Variants in RHOH observed in about 807,000 individuals in gnomAD.
RHOH encodes the protein ras homolog family member H, also known as rho-related GTP-binding protein RhoH.
RHOH carries 6 observed loss-of-function variants against 13.8 expected under a neutral mutation model. The observed-to-expected ratio is 0.44, with a 90% CI of 0.24 to 0.86. RHOH has a LOEUF of 0.86. Ranked by LOEUF, RHOH falls within the 40% of genes least tolerant of loss-of-function variation. RHOH has a pLI of 0.24. For synonymous variants in RHOH, 117 were observed against 103.0 expected (o/e 1.14, Z -0.82); for missense variants, 147 against 244.5 (o/e 0.60, Z 2.66).
chr4:40,243,246 G>A lies in RHOH; in HGVS notation c.-141G>A. On this transcript the variant is annotated 5_prime_UTR_variant, in exon 3 of 3. Coordinates refer to ENST00000381799, the MANE Select transcript of RHOH (RefSeq NM_004310.5). This position sits in a 1 kb window ranked among gnomAD's most constrained non-coding sequence, Gnocchi z 6.2. ...GATGGGCAGGGAGAAGTAACATTCT[G>A]CAAATCGCCGTCAGAGGTCCTGAGG... 1.6e-6 allele frequency: 1 copy of A among 632,418 alleles called. No homozygotes were observed. Among genetic ancestry groups the A allele is most frequent in the Non-Finnish European group, 2.7e-6 (1 of 370,190 alleles). The allele number at this position is 632,418 out of a possible 1,614,324, so 39.2% of individuals were successfully genotyped here. A position where few individuals can be genotyped will look rare whatever the true frequency, so the allele number is the denominator to read the frequency against.
At chr4:40,235,169 T>C (rs994235596) in intron 1 of RHOH, 14 of 152,234 alleles carry the variant, frequency 9.2e-5, no homozygotes, top group Non-Finnish European at 1.6e-4. Context: ...AAATGCTTTT[T>C]ATTGAAGTTT....
intron 1 of RHOH, among the ~76,000 whole-genome samples, chr4:40,227,876 G>C (rs912349760): frequency 1.3e-5 from 2 of 152,112 alleles, no homozygotes; most frequent in Non-Finnish European, 2.9e-5. Context: ...AGTCAAACTT[G>C]CAAATATTAT....
chr4:40,212,985 C>T (rs780335295), intron 1 of RHOH, among the ~76,000 whole-genome samples: 2 of 152,254 alleles, frequency 1.3e-5, no homozygotes, highest in Non-Finnish European at 2.9e-5. Flanking sequence ...AATCTCAGAG[C>T]GAGACGTGTG....
chr4:40,213,326 G>A (rs1725485680), intron 1 of RHOH, among the ~76,000 whole-genome samples: 1 of 149,884 alleles, frequency 6.7e-6, no homozygotes, highest in East Asian at 2.0e-4. Context: ...CACTCTTCTA[G>A]TTCCTGACTT....
chr4:40,223,155 G>A (rs1423230676), intron 1 of RHOH, among the ~76,000 whole-genome samples: 4 of 152,216 alleles, frequency 2.6e-5, no homozygotes, highest in African/African-American at 7.2e-5. Context: ...TGAATATACT[G>A]TGAAAACTGT....
chr4:40,224,003 C>T (rs1726929844), intron 1 of RHOH, among the ~76,000 whole-genome samples: 1 of 152,058 alleles, frequency 6.6e-6, no homozygotes. Context: ...AACTCTCGAC[C>T]TCAGGTGATC....
At chr4:40,207,407 A>G (rs1724774029) in intron 1 of RHOH, among the ~76,000 whole-genome samples, 1 of 152,102 alleles carries the variant, frequency 6.6e-6, no homozygotes, top group African/African-American at 2.4e-5. Context: ...TCTACATTTC[A>G]GGAAAAGCAA....
intron 1 of RHOH, among the ~76,000 whole-genome samples, chr4:40,239,904 C>A (rs1267491929): frequency 1.3e-5 from 2 of 151,926 alleles, no homozygotes; most frequent in Non-Finnish European, 2.9e-5. Context: ...GAATTTTGCA[C>A]TCTCAGCTCT....
upstream of RHOH, chr4:40,193,521 G>A (rs1246345526): frequency 1.4e-5 from 2 of 144,530 alleles, no homozygotes; most frequent in African/African-American, 2.7e-5. Context: ...GAGGAGGGGC[G>A]GGGTGGGGGA....
At chr4:40,221,269 A>C (rs1161245859) in intron 1 of RHOH, among the ~76,000 whole-genome samples, 1 of 152,196 alleles carries the variant, frequency 6.6e-6, no homozygotes, top group Non-Finnish European at 1.5e-5. Flanking sequence ...TTATCTTTCT[A>C]CATAAATGGA....
At chr4:40,195,354 T>TTCCTTCC (rs1553932214), upstream of RHOH, among the ~76,000 whole-genome samples, 5 of 92,046 alleles carry the variant, frequency 5.4e-5, no homozygotes, top group African/African-American at 2.1e-4. Flanking sequence ...CTTTCTTTCT[T>TTCCTTCC]TTCCTTCCTT....
intron 1 of RHOH, among the ~76,000 whole-genome samples, chr4:40,203,780 A>G (rs532811796): frequency 6.6e-6 from 1 of 152,184 alleles, no homozygotes; most frequent in Non-Finnish European, 1.5e-5. Context: ...TTTGTCCAGC[A>G]CTTGAACCAA....
rs777698365 is a variant in RHOH, at chr4:40,243,475, C to T, written c.89C>T (p.Pro30Leu). The change falls in exon 3 of 3, where the codon CCG becomes CTG. Residue 30 changes from proline (P) to leucine (L), a missense_variant. Physicochemically the swap from Pro to Leu is moderately conservative, Grantham distance 98. Coordinates refer to ENST00000381799, the MANE Select transcript of RHOH (RefSeq NM_004310.5). The surrounding 1 kb of genome is among the most constrained non-coding windows in gnomAD (Gnocchi z 6.2). ...LLVRFTSETF[P>L]EAYKPTVYEN... ...GTGCGCTTCACCTCCGAGACCTTCC[C>T]GGAGGCCTACAAGCCCACAGTGTAC... 31 of 1,613,852 alleles carry T rather than the reference C, an allele frequency of 1.9e-5. No individual in the cohort carries two copies. The highest frequency in any genetic ancestry group is 2.4e-5 in the Non-Finnish European group (28 of 1,179,980).
intron 1 of RHOH, among the ~76,000 whole-genome samples, chr4:40,208,605 T>C (rs1290041904): frequency 6.6e-6 from 1 of 152,190 alleles, no homozygotes; most frequent in Admixed American, 6.5e-5. Flanking sequence ...TTAGGAGGCT[T>C]TCGAAAGGCC....
chr4:40,233,530 C>T (rs917889666), intron 1 of RHOH, among the ~76,000 whole-genome samples: 1 of 152,170 alleles, frequency 6.6e-6, no homozygotes, highest in Admixed American at 6.5e-5. Context: ...GGTCTACATG[C>T]CCCTTCTTAC....
intron 1 of RHOH, among the ~76,000 whole-genome samples, chr4:40,212,042 G>T (rs1725330896): frequency 6.6e-6 from 1 of 152,108 alleles, no homozygotes; most frequent in Non-Finnish European, 1.5e-5. Flanking sequence ...AACTCCCAGG[G>T]TACATAATGA....
intron 1 of RHOH, among the ~76,000 whole-genome samples, chr4:40,221,914 A>G (rs967920953): frequency 2.0e-5 from 3 of 152,120 alleles, no homozygotes; most frequent in Non-Finnish European, 4.4e-5. Flanking sequence ...GAAAAGTTCA[A>G]CTCCTGGGAA....
chr4:40,197,086 T>A lies in RHOH; in HGVS notation c.-545T>A. On this transcript the variant is annotated 5_prime_UTR_variant, in exon 1 of 3. Transcript: ENST00000381799. ...ACACACTAACCCAACCATCTTGGGG[T>A]GGACTCCCTGCCAGCCCAACTGTTG... is the stretch of plus-strand genomic sequence containing the variant. The A allele has an allele frequency of 6.6e-6, 1 of 152,212 alleles. No homozygotes were observed. Among genetic ancestry groups the A allele is most frequent in the East Asian group, 1.9e-4 (1 of 5,196 alleles). The allele number at this position is 152,212 out of a possible 1,614,324, so 9.4% of individuals were successfully genotyped here.
At position 40,212,046 on chromosome 4, in the gene RHOH, A is replaced by G. The variant is rs1311775202; in HGVS notation, c.-331+14746A>G. Among the ~76,000 whole-genome samples, 3 of 152,218 alleles carry G rather than the reference A, an allele frequency of 2.0e-5. No homozygotes were observed. In the East Asian group the frequency reaches 5.8e-4, roughly 29 times the overall value. ...ACATTGTAAACAACTCCCAGGGTACATAATGATTTAGATGATTAAATTTGG... is the reference window on the plus strand; with the variant it reads ...ACATTGTAAACAACTCCCAGGGTACGTAATGATTTAGATGATTAAATTTGG... On this transcript the variant is annotated intron_variant, in intron 1 of 2. Transcript: ENST00000381799.
Sources: allele counts gnomAD v4.1 joint callset (sites outside exome capture counted in the v4.1 genomes callset), GRCh38; gene constraint gnomAD v4.1.1; non-coding constraint Gnocchi (gnomAD v3.1); transcripts MANE v1.5; gene names NCBI Gene and HGNC (gene_info 2026-07-23, HGNC 2026-07-21).